CENPP: variants seen among roughly 807,000 people sequenced by gnomAD.
The protein encoded by CENPP is centromere protein P.
Under a neutral mutation model 35.6 loss-of-function variants are expected in CENPP, and 24 were observed. That is an observed-to-expected ratio of 0.67 (90% CI 0.49 to 0.95). The LOEUF is 0.95. Among genes scored for constraint, CENPP ranks in the 40% least tolerant of loss-of-function variants. CENPP has a pLI of 0.00. For synonymous variants in CENPP, 120 were observed against 125.5 expected (o/e 0.96, Z 0.29); for missense variants, 332 against 345.3 (o/e 0.96, Z 0.31).
chr9:92,532,029 A>ATTTTTTTTTTTTTTTTTTTTT (rs201461115), intron 5 of CENPP, among the ~76,000 whole-genome samples: 14 of 91,040 alleles, frequency 1.5e-4, no homozygotes, highest in South Asian at 3.4e-4. Context: ...TTTTTTTTTT[A>ATTTTTTTTTTTTTTTTTTTTT]TTTTATTTTT....
rs973951631 is a variant in CENPP at position 92,511,015 on chromosome 9, A to T, written c.565-100299A>T. On this transcript the variant is annotated intron_variant, in intron 5 of 7. Coordinates refer to ENST00000375587, the MANE Select transcript of CENPP (RefSeq NM_001012267.3). ...GGGAGTAACAGTTTCACTTAGTGGAATATAGTGTGCTTTATTTTTGGCTTT... is the reference window on the plus strand; with the variant it reads ...GGGAGTAACAGTTTCACTTAGTGGATTATAGTGTGCTTTATTTTTGGCTTT... Among the ~76,000 whole-genome samples the T allele has an allele frequency of 3.3e-5, 5 of 152,220 alleles. No homozygotes were observed. The East Asian group carries it at 9.6e-4, about 29-fold the overall frequency.
intron 5 of CENPP, among the ~76,000 whole-genome samples, chr9:92,506,637 G>A (rs549904145): frequency 6.6e-6 from 1 of 152,304 alleles, no homozygotes; most frequent in South Asian, 2.1e-4. Flanking sequence ...ATCAGGAATA[G>A]AAATAATAAA....
chr9:92,338,460 C>T (rs986342852), intron 3 of CENPP, among the ~76,000 whole-genome samples: 5 of 152,110 alleles, frequency 3.3e-5, no homozygotes, highest in East Asian at 3.9e-4. Flanking sequence ...CACACATCCT[C>T]GTTTATACTT....
intron 5 of CENPP, among the ~76,000 whole-genome samples, chr9:92,432,720 A>G (rs1331538412): frequency 2.6e-5 from 4 of 152,260 alleles, no homozygotes; most frequent in Non-Finnish European, 5.9e-5. Context: ...TACATAATTA[A>G]TTCAAAGTTT....
chr9:92,461,430 T>C (rs1323217572), intron 5 of CENPP, among the ~76,000 whole-genome samples: 2 of 152,230 alleles, frequency 1.3e-5, no homozygotes, highest in African/African-American at 4.8e-5. Context: ...ATTTGGTTCT[T>C]ATCGCTCTTG....
chr9:92,609,162 T>A (rs1212407595), intron 5 of CENPP, among the ~76,000 whole-genome samples: 1 of 152,238 alleles, frequency 6.6e-6, no homozygotes, highest in Non-Finnish European at 1.5e-5. Context: ...GTGCTGAAGT[T>A]AGTAATTGTA....
chr9:92,393,642 T>C (rs1021753747), intron 5 of CENPP, among the ~76,000 whole-genome samples: 1 of 152,216 alleles, frequency 6.6e-6, no homozygotes. Context: ...AAGGAAGCCA[T>C]TAACTTGAAA....
At chr9:92,572,492 C>T (rs1048907440) in intron 5 of CENPP, among the ~76,000 whole-genome samples, 5 of 152,178 alleles carry the variant, frequency 3.3e-5, no homozygotes, top group African/African-American at 1.2e-4. Flanking sequence ...TTGTGGGTAA[C>T]CCGACCTTTC....
At chr9:92,595,051 C>G (rs1054460325) in intron 5 of CENPP, among the ~76,000 whole-genome samples, 2 of 151,992 alleles carry the variant, frequency 1.3e-5, no homozygotes, top group African/African-American at 4.8e-5. Flanking sequence ...CGCAAGCCAC[C>G]AAGCGCAGCT....
At chr9:92,466,538 T>C (rs760762922) in intron 5 of CENPP, 10 of 1,614,110 alleles carry the variant, frequency 6.2e-6, no homozygotes, top group Non-Finnish European at 8.5e-6. Flanking sequence ...TTTGGGTGAA[T>C]CTTCGTTAGC....
chr9:92,611,501 T>A (rs1026228825), intron 6 of CENPP, 108 bp downstream of exon 6: 1 of 835,624 alleles, frequency 1.2e-6, no homozygotes, highest in Non-Finnish European at 1.9e-6. Context: ...AACCAAGAAC[T>A]AAAGGTCGTC....
At chr9:92,363,404 T>G (rs1247304451) in intron 4 of CENPP, among the ~76,000 whole-genome samples, 1 of 152,210 alleles carries the variant, frequency 6.6e-6, no homozygotes, top group Non-Finnish European at 1.5e-5. Context: ...CTTTCCTATG[T>G]TTAGATATGT....
At chr9:92,611,077 T>C in intron 5 of CENPP, 1 of 591,948 alleles carries the variant, frequency 1.7e-6, no homozygotes, top group Non-Finnish European at 3.0e-6. Flanking sequence ...GGAGGTTATG[T>C]ACAATGTTCA....
chr9:92,485,379 T>C (rs1846030667), intron 5 of CENPP, among the ~76,000 whole-genome samples: 1 of 152,218 alleles, frequency 6.6e-6, no homozygotes, highest in Non-Finnish European at 1.5e-5. Flanking sequence ...GAATCACAAG[T>C]AATTTACATG....
At chr9:92,543,748 T>C (rs1849368442) in intron 5 of CENPP, among the ~76,000 whole-genome samples, 1 of 152,178 alleles carries the variant, frequency 6.6e-6, no homozygotes, top group African/African-American at 2.4e-5. Flanking sequence ...GGTTTCAGTG[T>C]AGAGATCTTT....
At chr9:92,602,459 A>G (rs1428530360) in intron 5 of CENPP, among the ~76,000 whole-genome samples, 1 of 152,154 alleles carries the variant, frequency 6.6e-6, no homozygotes, top group South Asian at 2.1e-4. Context: ...CAGCATTTCC[A>G]TGGGGCTCCA....
At chr9:92,567,516 T>C (rs908579695) in intron 5 of CENPP, among the ~76,000 whole-genome samples, 2 of 151,450 alleles carry the variant, frequency 1.3e-5, no homozygotes, top group Non-Finnish European at 2.9e-5. Flanking sequence ...ACTAAATATA[T>C]TAACTATAAT....
intron 5 of CENPP, among the ~76,000 whole-genome samples, chr9:92,538,439 AT>A (rs954377704): frequency 6.6e-6 from 1 of 152,232 alleles, no homozygotes; most frequent in African/African-American, 2.4e-5. Flanking sequence ...GTTCTTTTAT[AT>A]TTTTATCATG....
intron 5 of CENPP, chr9:92,517,318 C>T (rs1847789819): frequency 6.4e-6 from 2 of 311,920 alleles, no homozygotes; most frequent in African/African-American, 2.2e-5. Flanking sequence ...GATAAAGGCA[C>T]GTTGCACTGG....
Sources: allele counts gnomAD v4.1 joint callset (sites outside exome capture counted in the v4.1 genomes callset), GRCh38; gene constraint gnomAD v4.1.1; transcripts MANE v1.5; gene names NCBI Gene and HGNC (gene_info 2026-07-23, HGNC 2026-07-21).